Variants in CKAP5 observed in about 807,000 individuals in gnomAD.
CKAP5 encodes cytoskeleton-associated protein 5.
Under a neutral mutation model 232.8 loss-of-function variants are expected in CKAP5, and 27 were observed. The observed-to-expected ratio is 0.12, with a 90% CI of 0.09 to 0.16. CKAP5 has a LOEUF of 0.16. Ranked by LOEUF, CKAP5 falls within the 10% of genes least tolerant of loss-of-function variation. CKAP5 has a pLI of 1.00. For synonymous variants in CKAP5, 785 were observed against 841.1 expected, an observed-to-expected ratio of 0.93 and a Z score of 1.16; for missense variants, 1,838 against 2,424.7, an observed-to-expected ratio of 0.76 and a Z score of 5.08.
At chr11:46,845,109 A>C (rs1940152795) in intron 1 of CKAP5, among the ~76,000 whole-genome samples, 1 of 152,226 alleles carries the variant, frequency 6.6e-6, no homozygotes, top group African/African-American at 2.4e-5. Context: ...GTCTTCTACA[A>C]TTTCTTAAAG....
intron 1 of CKAP5, among the ~76,000 whole-genome samples, chr11:46,830,434 C>T (rs1445217350): frequency 3.7e-4 from 37 of 99,820 alleles, no homozygotes; most frequent in Non-Finnish European, 6.8e-4. Context: ...GAGCAAGACT[C>T]CGTCTCAAAA....
At chr11:46,787,045 C>A (rs1258133355) in intron 16 of CKAP5, among the ~76,000 whole-genome samples, 1 of 152,090 alleles carries the variant, frequency 6.6e-6, no homozygotes, top group Non-Finnish European at 1.5e-5. Flanking sequence ...GTGGTCCCGA[C>A]TACTTGGGAG....
At chr11:46,762,287 G>T in intron 31 of CKAP5, 94 bp from the exon 32 acceptor site, 3 of 1,241,110 alleles carry the variant, frequency 2.4e-6, no homozygotes, top group Non-Finnish European at 2.3e-6. Flanking sequence ...ATATATGAAG[G>T]ACTAAAACCT....
At chr11:46,818,266 C>A (rs1275439527) in intron 3 of CKAP5, 44 bp downstream of exon 3, 2 of 1,445,748 alleles carry the variant, frequency 1.4e-6, no homozygotes, top group African/African-American at 2.9e-5. Flanking sequence ...TATGTAACAC[C>A]AAACAGGGGT....
At chr11:46,748,987 A>G (rs2065042501) in intron 42 of CKAP5, among the ~76,000 whole-genome samples, 1 of 151,160 alleles carries the variant, frequency 6.6e-6, no homozygotes. Context: ...GCACGCCACC[A>G]CACCCAACTA....
chr11:46,783,435 T>A, intron 17 of CKAP5, 67 bp from the exon 18 acceptor site: 1 of 999,510 alleles, frequency 1.0e-6, no homozygotes, highest in Non-Finnish European at 1.5e-6. Flanking sequence ...AGCATGACAT[T>A]AAGGCAGATG....
chr11:46,816,436 C>G, intron 3 of CKAP5, 32 bp from the exon 4 acceptor site: 6 of 1,581,688 alleles, frequency 3.8e-6, no homozygotes, highest in Non-Finnish European at 5.2e-6. Flanking sequence ...AAAAATCCCA[C>G]TTAAGTAGTA....
At chr11:46,755,903 T>G (rs2065107164) in intron 35 of CKAP5, among the ~76,000 whole-genome samples, 1 of 152,118 alleles carries the variant, frequency 6.6e-6, no homozygotes, top group Non-Finnish European at 1.5e-5. Flanking sequence ...AACTCCAGCC[T>G]GGGTGACAAA....
intron 1 of CKAP5, among the ~76,000 whole-genome samples, chr11:46,836,761 C>A (rs538429760): frequency 6.6e-6 from 1 of 152,306 alleles, no homozygotes; most frequent in South Asian, 2.1e-4. Flanking sequence ...GATCCAGCAA[C>A]CTGCTTCTAG....
At chr11:46,779,832 G>A (rs569272892) in intron 20 of CKAP5, among the ~76,000 whole-genome samples, 1 of 152,008 alleles carries the variant, frequency 6.6e-6, no homozygotes, top group Admixed American at 6.5e-5. Context: ...TTGTTGCCCA[G>A]GCTGGTCTTA....
intron 1 of CKAP5, among the ~76,000 whole-genome samples, chr11:46,833,558 A>C (rs1466757474): frequency 6.6e-6 from 1 of 150,402 alleles, no homozygotes; most frequent in Non-Finnish European, 1.5e-5. Flanking sequence ...GGCTCACTGC[A>C]AGCTCTGCCT....
chr11:46,834,013 G>C (rs1047965132), intron 1 of CKAP5, among the ~76,000 whole-genome samples: 1 of 152,126 alleles, frequency 6.6e-6, no homozygotes, highest in African/African-American at 2.4e-5. Flanking sequence ...GGGATTACAG[G>C]CGTGTGCCAC....
intron 25 of CKAP5, 115 bp from the exon 26 acceptor site, chr11:46,770,213 C>T (rs2065236112): frequency 2.8e-6 from 3 of 1,072,718 alleles, no homozygotes; most frequent in Admixed American, 1.9e-5. Flanking sequence ...TTTGAAATAC[C>T]ACTGAAGTAA....
In CKAP5 at chr11:46,797,785, A is replaced by G. The variant is rs756196593; in HGVS notation, c.1338+20T>C. The G allele has an allele frequency of 1.9e-6, 3 of 1,583,946 alleles. No homozygotes were observed. The highest frequency in any genetic ancestry group is 1.7e-6 in the Non-Finnish European group (2 of 1,170,666). On this transcript the variant is annotated intron_variant, in intron 11 of 43. Coordinates refer to ENST00000529230, the MANE Select transcript of CKAP5 (RefSeq NM_001008938.4). ...TGCCTAGGTATAAAATATTCCCCCAACTTCAAAGAGAGTCTGTACCTTAAG... is the reference window on the plus strand; with the variant it reads ...TGCCTAGGTATAAAATATTCCCCCAGCTTCAAAGAGAGTCTGTACCTTAAG...
chr11:46,783,897 G>C (rs1029446782), intron 17 of CKAP5, among the ~76,000 whole-genome samples: 10 of 151,566 alleles, frequency 6.6e-5, no homozygotes, highest in Non-Finnish European at 1.5e-4. Flanking sequence ...GTAGAGACGG[G>C]ATTTCACCAT....
intron 32 of CKAP5, among the ~76,000 whole-genome samples, chr11:46,761,563 A>T (rs1485511987): frequency 6.6e-6 from 1 of 152,218 alleles, no homozygotes; most frequent in African/African-American, 2.4e-5. Context: ...AAGAGGTCAG[A>T]GGCAGAACCT....
chr11:46,811,346 T>A (rs537264079), intron 4 of CKAP5, among the ~76,000 whole-genome samples, 168 bp from the exon 5 acceptor site: 112 of 152,360 alleles, frequency 7.4e-4, no homozygotes, highest in Middle Eastern at 6.8e-3. Context: ...GCTTACCTAC[T>A]AAGGTGTTGT....
intron 35 of CKAP5, 178 bp downstream of exon 35, chr11:46,758,745 G>A: frequency 1.7e-6 from 1 of 576,366 alleles, no homozygotes. Context: ...GGCTCTATTA[G>A]AGTCACATCC....
intron 3 of CKAP5, 113 bp downstream of exon 3, chr11:46,818,197 G>A: frequency 1.3e-6 from 1 of 756,440 alleles, no homozygotes; most frequent in Admixed American, 3.8e-5. Flanking sequence ...ACGAAAGTAA[G>A]AAAATTCATC....
Sources: gnomAD v4.1 joint callset for allele counts (sites outside exome capture counted in the v4.1 genomes callset) on GRCh38, gnomAD v4.1.1 for gene constraint, MANE v1.5 for transcripts, NCBI Gene and HGNC (gene_info 2026-07-23, HGNC 2026-07-21) for gene names.